ZNF362: variants seen among roughly 807,000 people sequenced by gnomAD.
ZNF362 encodes rotund homolog.
ZNF362 carries 11 observed loss-of-function variants against 42.9 expected under a neutral mutation model. That is an observed-to-expected ratio of 0.26 (90% confidence interval 0.16 to 0.42). The LOEUF (loss-of-function observed/expected upper bound fraction) is 0.42, where lower values mean the gene tolerates loss of function less well. ZNF362 is among the 20% of genes least tolerant of loss of function. ZNF362 has a pLI of 1.00. For missense variants in ZNF362, 362 were observed against 576.2 expected, an observed-to-expected ratio of 0.63 and a Z score of 3.81; for synonymous variants, 255 against 257.3, an observed-to-expected ratio of 0.99 and a Z score of 0.09.
chr1:33,161,563 T>C, the ZNF362 span, among the ~76,000 whole-genome samples: 1 of 152,014 alleles, frequency 6.6e-6, no homozygotes, highest in Non-Finnish European at 1.5e-5. The surrounding 1 kb of genome is among the most constrained non-coding windows in gnomAD (Gnocchi z 4.3). Flanking sequence ...TCGCTGCGCA[T>C]GCCCACCCAG....
chr1:33,173,094 C>G, the ZNF362 span, among the ~76,000 whole-genome samples: 2 of 152,204 alleles, frequency 1.3e-5, no homozygotes, highest in Admixed American at 1.3e-4. Flanking sequence ...TTGCCTCTCC[C>G]TTTCCTCCCC....
the ZNF362 span, among the ~76,000 whole-genome samples, chr1:33,201,573 T>G: frequency 6.6e-6 from 1 of 152,148 alleles, no homozygotes; most frequent in Non-Finnish European, 1.5e-5. Flanking sequence ...AAAGACAAAT[T>G]AAAATATTTT....
At chr1:33,149,651 C>T in the ZNF362 span, among the ~76,000 whole-genome samples, 4 of 151,850 alleles carry the variant, frequency 2.6e-5, no homozygotes, top group Admixed American at 6.6e-5. Flanking sequence ...GATGAGGTTT[C>T]GCAATGTTGG....
At chr1:33,222,257 C>G in the ZNF362 span, among the ~76,000 whole-genome samples, 5 of 152,182 alleles carry the variant, frequency 3.3e-5, no homozygotes, top group Non-Finnish European at 7.4e-5. Context: ...CCATCTCCAT[C>G]CATCCAATTG....
At chr1:33,275,000 G>A in intron 2 of ZNF362, 2 of 985,390 alleles carry the variant, frequency 2.0e-6, no homozygotes, top group Non-Finnish European at 2.4e-6. Flanking sequence ...CATTCCAATA[G>A]GGGTTTCTCA....
chr1:33,214,319 A>G, the ZNF362 span, among the ~76,000 whole-genome samples: 12 of 152,210 alleles, frequency 7.9e-5, no homozygotes, highest in Admixed American at 6.5e-4. Context: ...GTAGACCCCT[A>G]TCTCTTGCCA....
the ZNF362 span, among the ~76,000 whole-genome samples, chr1:33,236,553 ATAT>A: frequency 1.2e-4 from 11 of 93,022 alleles, no homozygotes; most frequent in Admixed American, 2.5e-4. Flanking sequence ...AAAAAAAAAT[ATAT>A]ATATATATAT....
chr1:33,171,561 T>C, the ZNF362 span, among the ~76,000 whole-genome samples: 1 of 152,108 alleles, frequency 6.6e-6, no homozygotes, highest in East Asian at 1.9e-4. Flanking sequence ...ACCCAATGAG[T>C]GTCAGGCTTT....
chr1:33,289,425 C>G (rs553238156), intron 6 of ZNF362, among the ~76,000 whole-genome samples: 10 of 152,166 alleles, frequency 6.6e-5, no homozygotes, highest in Admixed American at 1.3e-4. Flanking sequence ...GCAGCTTCAG[C>G]CGTGCCGAGG....
chr1:33,247,143 A>C, the ZNF362 span, among the ~76,000 whole-genome samples: 1 of 152,226 alleles, frequency 6.6e-6, no homozygotes, highest in African/African-American at 2.4e-5. Context: ...GTAGACTGGT[A>C]ACCCATTTTT....
At chr1:33,204,289 T>G in the ZNF362 span, among the ~76,000 whole-genome samples, 1 of 152,324 alleles carries the variant, frequency 6.6e-6, no homozygotes, top group East Asian at 1.9e-4. Flanking sequence ...CATATATGAC[T>G]GAGTTTATTT....
the ZNF362 span, among the ~76,000 whole-genome samples, chr1:33,152,918 T>G: frequency 6.6e-6 from 1 of 151,786 alleles, no homozygotes; most frequent in Non-Finnish European, 1.5e-5. Flanking sequence ...CTTGGGACAA[T>G]GGGCTGCCTG....
At chr1:33,176,033 G>A in the ZNF362 span, among the ~76,000 whole-genome samples, 3 of 152,126 alleles carry the variant, frequency 2.0e-5, no homozygotes, top group Admixed American at 1.3e-4. Flanking sequence ...AGATGCCAGC[G>A]GCCAGCTCTG....
chr1:33,131,476 A>G, the ZNF362 span, among the ~76,000 whole-genome samples: 1 of 152,256 alleles, frequency 6.6e-6, no homozygotes, highest in Non-Finnish European at 1.5e-5. Context: ...TGGCCAGTCC[A>G]AATTGAATGT....
the ZNF362 span, among the ~76,000 whole-genome samples, chr1:33,243,237 C>T: frequency 1.3e-5 from 2 of 151,144 alleles, no homozygotes; most frequent in Non-Finnish European, 3.0e-5. Flanking sequence ...CTCACTGAAA[C>T]CCTCCGCCTC....
At chr1:33,270,392 G>A (rs1156833939) in intron 1 of ZNF362, 95 bp from the exon 2 acceptor site, 2 of 566,714 alleles carry the variant, frequency 3.5e-6, no homozygotes. Context: ...CATGAATCAT[G>A]ACATATTCAA....
At position 33,266,238 on chromosome 1, in the gene ZNF362, A is replaced by G. The variant is rs1645864165; in HGVS notation, c.-88-4249A>G. ...TCTGCACATGCTGCCCTTCTGCCGCAGTGGCTCTCCTGGCAAACTCGTCTG... is the reference window on the plus strand; with the variant it reads ...TCTGCACATGCTGCCCTTCTGCCGCGGTGGCTCTCCTGGCAAACTCGTCTG... On this transcript the variant is annotated intron_variant, in intron 1 of 8. Transcript: ENST00000539719. The surrounding 1 kb of genome is among the most constrained non-coding windows in gnomAD (Gnocchi z 4.3). Among the ~76,000 whole-genome samples, 1 of 152,160 alleles carries G rather than the reference A, an allele frequency of 6.6e-6. No individual in the cohort carries two copies.
the ZNF362 span, among the ~76,000 whole-genome samples, chr1:33,174,728 C>T: frequency 6.6e-6 from 1 of 152,090 alleles, no homozygotes; most frequent in African/African-American, 2.4e-5. Flanking sequence ...CTCAGCGTAT[C>T]TTTTAGGATT....
chr1:33,236,550 A>AAAAAAAATATATAT, the ZNF362 span, among the ~76,000 whole-genome samples: 11 of 5,972 alleles, frequency 1.8e-3, no homozygotes, highest in South Asian at 0.019. Context: ...AAAAAAAAAA[A>AAAAAAAATATATAT]ATATATATAT....
Sources: gnomAD v4.1 joint callset for allele counts (sites outside exome capture counted in the v4.1 genomes callset) on GRCh38, gnomAD v4.1.1 for gene constraint, Gnocchi (gnomAD v3.1) non-coding constraint, MANE v1.5 for transcripts, NCBI Gene and HGNC (gene_info 2026-07-23, HGNC 2026-07-21) for gene names.